FSIP1: variants seen among roughly 807,000 people sequenced by gnomAD.
FSIP1 encodes the protein fibrous sheath-interacting protein 1.
In FSIP1, 65 loss-of-function variants were observed where a neutral mutation model predicts 60.9. That is an observed-to-expected ratio of 1.07 (90% CI 0.87 to 1.31). FSIP1 has a LOEUF of 1.31. Among genes scored for constraint, FSIP1 ranks in the 40% most tolerant of loss-of-function variants. The pLI is 0.00. For synonymous variants in FSIP1, 209 were observed against 221.2 expected, an observed-to-expected ratio of 0.94 and a Z score of 0.49; for missense variants, 675 against 665.5, an observed-to-expected ratio of 1.01 and a Z score of -0.16.
intron 9 of FSIP1, among the ~76,000 whole-genome samples, chr15:39,721,401 T>C (rs1895971539): frequency 6.6e-6 from 1 of 152,252 alleles, no homozygotes; most frequent in African/African-American, 2.4e-5. Flanking sequence ...CCTTTCTCTG[T>C]GCTCCCGCAG....
At chr15:39,760,393 G>A (rs899092522) in intron 5 of FSIP1, among the ~76,000 whole-genome samples, 1 of 152,110 alleles carries the variant, frequency 6.6e-6, no homozygotes, top group East Asian at 1.9e-4. Flanking sequence ...TAATTTTACA[G>A]TGCAGAAAAC....
At chr15:39,742,232 T>G (rs1896828687) in intron 5 of FSIP1, among the ~76,000 whole-genome samples, 1 of 152,234 alleles carries the variant, frequency 6.6e-6, no homozygotes, top group Non-Finnish European at 1.5e-5. Flanking sequence ...ATGTTCATAA[T>G]ACAGAGAATA....
chr15:39,613,292 C>CA (rs2140373116), intron 11 of FSIP1, among the ~76,000 whole-genome samples: 1 of 152,154 alleles, frequency 6.6e-6, no homozygotes, highest in East Asian at 1.9e-4. Context: ...CAAAGAAATA[C>CA]AAAGGGTAAT....
chr15:39,756,994 T>C (rs184863896), intron 5 of FSIP1, among the ~76,000 whole-genome samples: 1 of 152,214 alleles, frequency 6.6e-6, no homozygotes, highest in East Asian at 1.9e-4. Context: ...AAGCCAAAAA[T>C]GTATGCCAGG....
chr15:39,649,560 T>C (rs955260038), intron 10 of FSIP1, among the ~76,000 whole-genome samples: 1 of 152,236 alleles, frequency 6.6e-6, no homozygotes. Flanking sequence ...AAAATCAATA[T>C]GTGACCTACT....
intron 5 of FSIP1, among the ~76,000 whole-genome samples, chr15:39,752,620 A>G (rs1248447804): frequency 1.3e-5 from 2 of 152,036 alleles, no homozygotes; most frequent in Non-Finnish European, 2.9e-5. Context: ...ATACCTGACC[A>G]GTACTCCTCA....
At chr15:39,622,160 A>G (rs1891462943) in intron 10 of FSIP1, among the ~76,000 whole-genome samples, 1 of 152,150 alleles carries the variant, frequency 6.6e-6, no homozygotes, top group South Asian at 2.1e-4. Context: ...ACTGTCAAGT[A>G]ACCATCTGTT....
chr15:39,747,342 C>T (rs1897033565), intron 5 of FSIP1: 1 of 152,200 alleles, frequency 6.6e-6, no homozygotes, highest in Non-Finnish European at 1.5e-5. Flanking sequence ...TTAATATAAT[C>T]TGGACTTTTA....
chr15:39,759,846 T>C (rs1203959195), intron 5 of FSIP1, among the ~76,000 whole-genome samples: 1 of 152,150 alleles, frequency 6.6e-6, no homozygotes, highest in Non-Finnish European at 1.5e-5. Flanking sequence ...TCTCCCTCCA[T>C]CTCTTTCTGA....
At chr15:39,752,482 T>C (rs1897192509) in intron 5 of FSIP1, among the ~76,000 whole-genome samples, 1 of 152,012 alleles carries the variant, frequency 6.6e-6, no homozygotes. Flanking sequence ...CAATGTTATG[T>C]TAATAATATG....
intron 8 of FSIP1, among the ~76,000 whole-genome samples, chr15:39,736,763 G>C (rs1167485624): frequency 6.6e-6 from 1 of 152,228 alleles, no homozygotes; most frequent in Admixed American, 6.5e-5. Flanking sequence ...TTTGGGACCA[G>C]GGACATGAGG....
intron 10 of FSIP1, among the ~76,000 whole-genome samples, chr15:39,628,277 G>A (rs1283710832): frequency 1.3e-5 from 2 of 152,194 alleles, no homozygotes; most frequent in African/African-American, 2.4e-5. Context: ...TTGGAGCCAG[G>A]GAGAGAAAGC....
intron 10 of FSIP1, among the ~76,000 whole-genome samples, chr15:39,657,802 G>T (rs1298407697): frequency 2.0e-5 from 3 of 152,090 alleles, no homozygotes. Flanking sequence ...AAAAATTATA[G>T]CCCGCAATGT....
At position 39,741,882 on chromosome 15, in the gene FSIP1, T is replaced by G; in HGVS notation, c.578A>C (p.Glu193Ala). The change falls in exon 6 of 12, where the codon GAA becomes GCA. Residue 193 changes from glutamate (E) to alanine (A), a missense_variant. By Grantham distance (107) the Glu-to-Ala change is moderately radical. Transcript: ENST00000350221. ...EETVGPSHEE[E>A]DTFSSVFHTQ... ...ATGAAACACTGAGGAAAAGGTGTCT[T>G]CCTCCTCATGAGAAGGACCTGTTGA... The G allele has an allele frequency of 6.3e-7, 1 of 1,597,346 alleles. No homozygotes were observed. The highest frequency in any genetic ancestry group is 8.6e-7 in the Non-Finnish European group (1 of 1,165,232).
At chr15:39,706,097 T>C (rs892396869) in intron 10 of FSIP1, among the ~76,000 whole-genome samples, 4 of 152,184 alleles carry the variant, frequency 2.6e-5, no homozygotes, top group African/African-American at 9.7e-5. Context: ...TGGGTTAATA[T>C]TATATAAGTT....
intron 5 of FSIP1, among the ~76,000 whole-genome samples, chr15:39,755,761 T>C (rs1897281797): frequency 6.6e-6 from 1 of 152,178 alleles, no homozygotes; most frequent in South Asian, 2.1e-4. Context: ...TAATTGGTTA[T>C]GATGTTGATG....
At chr15:39,637,216 C>G (rs1892172267) in intron 10 of FSIP1, among the ~76,000 whole-genome samples, 1 of 152,192 alleles carries the variant, frequency 6.6e-6, no homozygotes, top group African/African-American at 2.4e-5. Context: ...TTCCCGGAAC[C>G]ATTCCTGGTT....
At chr15:39,685,794 A>G (rs1894343966) in intron 10 of FSIP1, among the ~76,000 whole-genome samples, 1 of 152,172 alleles carries the variant, frequency 6.6e-6, no homozygotes, top group Non-Finnish European at 1.5e-5. Context: ...CCAAAACAAC[A>G]AGAAAGGCCT....
chr15:39,772,554 C>G (rs1295151754), intron 2 of FSIP1, among the ~76,000 whole-genome samples: 2 of 152,080 alleles, frequency 1.3e-5, no homozygotes, highest in East Asian at 3.9e-4. Flanking sequence ...CTTGGCCTCC[C>G]AAAGTGCTGA....
Sources: gnomAD v4.1 joint callset for allele counts (sites outside exome capture counted in the v4.1 genomes callset) on GRCh38, gnomAD v4.1.1 for gene constraint, MANE v1.5 for transcripts, NCBI Gene and HGNC (gene_info 2026-07-23, HGNC 2026-07-21) for gene names.